Variants in PEX14 observed in about 807,000 individuals in gnomAD.
PEX14 encodes peroxisomal biogenesis factor 14.
In PEX14, 15 loss-of-function variants were observed where a neutral mutation model predicts 49.5. That is an observed-to-expected ratio of 0.30 (90% confidence interval 0.20 to 0.47). PEX14 has a LOEUF of 0.47. Ranked by LOEUF, PEX14 falls within the 20% of genes least tolerant of loss-of-function variation. PEX14 has a pLI of 1.00. For missense variants in PEX14, 398 were observed against 494.8 expected (o/e 0.80, Z 1.86); for synonymous variants, 210 against 212.7 (o/e 0.99, Z 0.11).
rs1178527948 is a variant in PEX14, at chr1:10,630,093, T to C, written c.*106T>C. On this transcript the variant is annotated 3_prime_UTR_variant, in exon 9 of 9. Transcript: ENST00000356607. This position sits in a 1 kb window ranked among gnomAD's most constrained non-coding sequence, Gnocchi z 4.1. ...CTGGGAGGGCAGCTTGGAGCCCAGG[T>C]AGGGGGCAGAGCTGTCCTCAGCTGC... 5 of 1,542,824 alleles carry C rather than the reference T, an allele frequency of 3.2e-6. No homozygotes were observed. The highest frequency in any genetic ancestry group is 4.4e-6 in the Non-Finnish European group (5 of 1,146,506).
At chr1:10,607,026 C>T (rs912819091) in intron 4 of PEX14, among the ~76,000 whole-genome samples, 2 of 152,196 alleles carry the variant, frequency 1.3e-5, no homozygotes, top group Non-Finnish European at 2.9e-5. Context: ...AGTCAATCCA[C>T]CCTCCTTGAT....
intron 2 of PEX14, among the ~76,000 whole-genome samples, chr1:10,505,241 A>G (rs1641761109): frequency 6.6e-6 from 1 of 152,188 alleles, no homozygotes; most frequent in Non-Finnish European, 1.5e-5. Flanking sequence ...AGGCTGAGGC[A>G]AGAGAATTGC....
chr1:10,553,903 G>A (rs1639405977), intron 3 of PEX14, among the ~76,000 whole-genome samples: 1 of 152,212 alleles, frequency 6.6e-6, no homozygotes, highest in South Asian at 2.1e-4. Flanking sequence ...GTGACATGAC[G>A]GTTAGTTCCC....
intron 3 of PEX14, among the ~76,000 whole-genome samples, chr1:10,593,742 A>G (rs1640741357): frequency 6.6e-6 from 1 of 152,198 alleles, no homozygotes; most frequent in African/African-American, 2.4e-5. Flanking sequence ...ACAAGGTGAT[A>G]TATAATATTT....
At chr1:10,503,281 C>CAAAAAAAAAAAAAAAAAAAAAAAAA (rs59342388) in intron 2 of PEX14, among the ~76,000 whole-genome samples, 1 of 75,488 alleles carries the variant, frequency 1.3e-5, no homozygotes, top group Non-Finnish European at 2.3e-5. Context: ...GACTCTGTCT[C>CAAAAAAAAAAAAAAAAAAAAAAAAA]AAAAAAAAAA....
chr1:10,620,358 T>C (rs1286631332), intron 5 of PEX14, among the ~76,000 whole-genome samples: 2 of 151,702 alleles, frequency 1.3e-5, no homozygotes, highest in Admixed American at 1.3e-4. Context: ...GGTGTGAGCC[T>C]GTAGTCCCAG....
Position 10,494,217 on chromosome 1 carries a change from G to A in PEX14, c.37-1057G>A, listed in dbSNP as rs545660198. Among the ~76,000 whole-genome samples the A allele has an allele frequency of 8.5e-5, 13 of 152,310 alleles. No individual in the cohort carries two copies. The highest frequency in any genetic ancestry group is 2.9e-4 in the African/African-American group (12 of 41,574). ...TGCCAGCTAATGTGGTAGTAGCTGG[G>A]CATGAGGAATTTTTGGGAACCCTCT... is the stretch of plus-strand genomic sequence containing the variant. On this transcript the variant is annotated intron_variant, in intron 1 of 8. Transcript: ENST00000356607. The surrounding 1 kb of genome is among the most constrained non-coding windows in gnomAD (Gnocchi z 4.3).
At chr1:10,505,471 C>G (rs1641766299) in intron 2 of PEX14, among the ~76,000 whole-genome samples, 1 of 152,054 alleles carries the variant, frequency 6.6e-6, no homozygotes. Flanking sequence ...TTTTTTCCCC[C>G]CCTTTACCAT....
intron 4 of PEX14, among the ~76,000 whole-genome samples, chr1:10,607,148 CTT>C (rs1402341024): frequency 2.6e-5 from 4 of 152,022 alleles, no homozygotes; most frequent in African/African-American, 9.6e-5. Context: ...ATTGTACTCT[CTT>C]GTTTCTATTT....
At chr1:10,499,351 C>T (rs948999474) in intron 2 of PEX14, among the ~76,000 whole-genome samples, 1 of 152,040 alleles carries the variant, frequency 6.6e-6, no homozygotes, top group Non-Finnish European at 1.5e-5. Context: ...CCTTGGCCAT[C>T]GTCTCTTCCT....
intron 3 of PEX14, among the ~76,000 whole-genome samples, chr1:10,596,884 G>A (rs1016696617): frequency 3.9e-5 from 6 of 152,202 alleles, no homozygotes; most frequent in Non-Finnish European, 8.8e-5. Flanking sequence ...AAATGATAAC[G>A]TCTGTGAAAA....
chr1:10,584,461 G>A (rs561860605), intron 3 of PEX14, among the ~76,000 whole-genome samples: 21 of 152,270 alleles, frequency 1.4e-4, no homozygotes, highest in Non-Finnish European at 2.2e-4. Flanking sequence ...GAGCTTCCCC[G>A]ACTCCCACCC....
At position 10,514,754 on chromosome 1, in the gene PEX14, A is replaced by T. The variant is rs1455354853; in HGVS notation, c.84+19433A>T. On this transcript the variant is annotated intron_variant, in intron 2 of 8. Transcript: ENST00000356607. The surrounding 1 kb of genome is among the most constrained non-coding windows in gnomAD (Gnocchi z 4.4). ...TCTCATTTGGAGATTCCTTTAAAAA[A>T]GTAGTTGTTTGCTTGTTTTTGCTAC... Among the ~76,000 whole-genome samples the T allele has an allele frequency of 6.6e-6, 1 of 152,206 alleles. No homozygotes were observed. The highest frequency in any genetic ancestry group is 2.4e-5 in the African/African-American group (1 of 41,442).
intron 4 of PEX14, among the ~76,000 whole-genome samples, chr1:10,610,872 T>G (rs963488672): frequency 9.9e-5 from 15 of 152,190 alleles, no homozygotes; most frequent in African/African-American, 3.4e-4. Flanking sequence ...TTTTCTCTTC[T>G]CCCTTCATCC....
At chr1:10,595,863 A>C (rs199598363) in intron 3 of PEX14, among the ~76,000 whole-genome samples, 1 of 1,606 alleles carries the variant, frequency 6.2e-4, no homozygotes, top group East Asian at 2.2e-3. Flanking sequence ...AACGCAAAGA[A>C]GATGCCTTTT....
chr1:10,521,763 A>G (rs181613227), intron 2 of PEX14, among the ~76,000 whole-genome samples: 321 of 152,312 alleles, frequency 2.1e-3, no homozygotes, highest in African/African-American at 7.3e-3. Flanking sequence ...AGTGAATACC[A>G]TCCCCTTGGC....
intron 3 of PEX14, among the ~76,000 whole-genome samples, chr1:10,555,347 CT>C (rs1639454634): frequency 1.3e-5 from 2 of 152,096 alleles, no homozygotes; most frequent in Non-Finnish European, 2.9e-5. Context: ...AAGAGCCTTC[CT>C]TCTTCCCTAC....
chr1:10,555,957 G>A (rs1639475818), intron 3 of PEX14, among the ~76,000 whole-genome samples: 1 of 152,092 alleles, frequency 6.6e-6, no homozygotes, highest in Non-Finnish European at 1.5e-5. Context: ...GAATGATCCT[G>A]GAGCATGTCC....
intron 3 of PEX14, among the ~76,000 whole-genome samples, chr1:10,552,919 C>G (rs549421977): frequency 6.6e-6 from 1 of 152,180 alleles, no homozygotes; most frequent in Admixed American, 6.5e-5. Context: ...TTTGTCCATG[C>G]AGAGGATGTG....
Sources: gnomAD v4.1 joint callset for allele counts (sites outside exome capture counted in the v4.1 genomes callset) on GRCh38, gnomAD v4.1.1 for gene constraint, Gnocchi (gnomAD v3.1) non-coding constraint, MANE v1.5 for transcripts, NCBI Gene and HGNC (gene_info 2026-07-23, HGNC 2026-07-21) for gene names.